Variants in GYPC observed in about 807,000 individuals in gnomAD.
The protein encoded by GYPC is glycophorin-C.
In GYPC, 14 loss-of-function variants were observed where a neutral mutation model predicts 12.6. The observed-to-expected ratio is 1.11, with a 90% CI of 0.74 to 1.74. The LOEUF (loss-of-function observed/expected upper bound fraction) is 1.74, where lower values mean the gene tolerates loss of function less well. Ranked by LOEUF, GYPC falls within the 40% of genes most tolerant of loss-of-function variation. GYPC has a pLI of 0.00. For missense variants in GYPC, 225 were observed against 172.1 expected, an observed-to-expected ratio of 1.31 and a Z score of -1.72; for synonymous variants, 78 against 62.1, an observed-to-expected ratio of 1.26 and a Z score of -1.20.
At chr2:126,668,110 G>T (rs1682736942) in intron 1 of GYPC, among the ~76,000 whole-genome samples, 1 of 152,156 alleles carries the variant, frequency 6.6e-6, no homozygotes, top group African/African-American at 2.4e-5. Flanking sequence ...AAAAGAAGGG[G>T]TTCTTCACCT....
chr2:126,681,413 T>C (rs887942907), intron 1 of GYPC, among the ~76,000 whole-genome samples: 2 of 152,192 alleles, frequency 1.3e-5, no homozygotes, highest in African/African-American at 2.4e-5. Flanking sequence ...TCTTCAATTT[T>C]TCATTTTAGA....
chr2:126,690,226 G>C (rs1248218393), intron 1 of GYPC, 29 bp from the exon 2 acceptor site: 5 of 1,581,066 alleles, frequency 3.2e-6, no homozygotes, highest in Admixed American at 3.3e-5. Flanking sequence ...CTTCCTCTCT[G>C]ACCTCAGATT....
chr2:126,656,169 C>A lies in GYPC; in HGVS notation c.-95C>A. 6.6e-7 allele frequency: 1 copy of A among 1,506,908 alleles called. No individual in the cohort carries two copies. The highest frequency in any genetic ancestry group is 8.9e-7 in the Non-Finnish European group (1 of 1,126,178). 93.3% of individuals were successfully genotyped at this position (1,506,908 alleles called of 1,614,324 possible). On this transcript the variant is annotated 5_prime_UTR_variant, in exon 1 of 4. Transcript: ENST00000259254. ...CCCAGGTGCCGCTTCCTCTCGCCGC[C>A]GAGGGTCAGGAGCCCGGGAGCGCGA...
intron 1 of GYPC, among the ~76,000 whole-genome samples, chr2:126,666,391 T>C (rs1682678733): frequency 6.6e-6 from 1 of 152,224 alleles, no homozygotes; most frequent in South Asian, 2.1e-4. Flanking sequence ...ATGACTGCAA[T>C]TTCTGTTACA....
At chr2:126,684,629 T>A (rs533121919) in intron 1 of GYPC, among the ~76,000 whole-genome samples, 1 of 152,312 alleles carries the variant, frequency 6.6e-6, no homozygotes, top group Admixed American at 6.5e-5. Context: ...CATGCATTTG[T>A]CCTTGTCGGT....
At chr2:126,670,329 T>C (rs917002029) in intron 1 of GYPC, among the ~76,000 whole-genome samples, 16 of 152,188 alleles carry the variant, frequency 1.1e-4, no homozygotes, top group Admixed American at 9.8e-4. Context: ...GAAGTCTCAC[T>C]GTGCAGCGCC....
At chr2:126,692,587 A>G (rs1451561071) in intron 2 of GYPC, among the ~76,000 whole-genome samples, 2 of 152,156 alleles carry the variant, frequency 1.3e-5, no homozygotes, top group Non-Finnish European at 2.9e-5. Flanking sequence ...GATCCAATAA[A>G]TCCTTCTTCA....
chr2:126,689,141 C>A (rs1462499941), intron 1 of GYPC, among the ~76,000 whole-genome samples: 1 of 152,122 alleles, frequency 6.6e-6, no homozygotes, highest in African/African-American at 2.4e-5. Context: ...AGTGGTCCTT[C>A]CCACAGCAGA....
intron 1 of GYPC, chr2:126,657,745 C>T (rs980280082): frequency 6.6e-6 from 1 of 152,316 alleles, no homozygotes; most frequent in Non-Finnish European, 1.5e-5. Context: ...GCCCAGCAGC[C>T]CAAGCAGTTC....
intron 1 of GYPC, chr2:126,686,780 A>G (rs1157392836): frequency 1.2e-6 from 1 of 817,216 alleles, no homozygotes; most frequent in Non-Finnish European, 1.5e-6. Flanking sequence ...GTAATTGTCT[A>G]TTTCTGATAC....
rs2104805437 is a variant in GYPC, at chr2:126,690,298, T to C, written c.93T>C (p.Thr31=). Residue 31 remains threonine, a synonymous_variant, in exon 2 of 4, where the codon ACT becomes ACC. Coordinates refer to ENST00000259254, the MANE Select transcript of GYPC (RefSeq NM_002101.5). The part of the protein sequence containing the change: ...GMASASTTMH[T]TTIAEPDPGM... ...CCTCTGCCTCCACCACAATGCATAC[T>C]ACCACCATTGCAGGTGAGTTCTCAT... The C allele has an allele frequency of 6.2e-7, 1 of 1,610,924 alleles. No homozygotes were observed. Among genetic ancestry groups the C allele is most frequent in the East Asian group, 2.2e-5 (1 of 44,866 alleles).
At chr2:126,681,736 G>A (rs1035355560) in intron 1 of GYPC, among the ~76,000 whole-genome samples, 5 of 147,784 alleles carry the variant, frequency 3.4e-5, no homozygotes, top group Admixed American at 6.8e-5. Flanking sequence ...CCAAGATTGC[G>A]CCATTGCACT....
intron 2 of GYPC, among the ~76,000 whole-genome samples, chr2:126,693,207 G>A (rs1450901382): frequency 3.3e-5 from 5 of 152,238 alleles, no homozygotes; most frequent in Non-Finnish European, 5.9e-5. Context: ...TAGCTGTCGT[G>A]AGACTGGATT....
intron 1 of GYPC, among the ~76,000 whole-genome samples, chr2:126,664,321 T>A (rs1311780721): frequency 6.6e-6 from 1 of 151,954 alleles, no homozygotes; most frequent in Non-Finnish European, 1.5e-5. Context: ...ACAGACGCCA[T>A]CTCATTTAGC....
chr2:126,666,708 TACACACAC>T (rs67904410), intron 1 of GYPC, among the ~76,000 whole-genome samples: 2,620 of 118,514 alleles, frequency 0.022, 113 homozygotes, highest in African/African-American at 0.062. Flanking sequence ...CCTCCCTCCC[TACACACAC>T]ACACACACAC....
intron 1 of GYPC, among the ~76,000 whole-genome samples, chr2:126,673,550 G>A (rs866001461): frequency 1.3e-5 from 2 of 152,134 alleles, no homozygotes; most frequent in Non-Finnish European, 2.9e-5. Context: ...CTAAATAAAT[G>A]GGATTGGAAA....
chr2:126,693,719 A>C (rs1278140803), intron 2 of GYPC, 145 bp from the exon 3 acceptor site: 4 of 722,236 alleles, frequency 5.5e-6, no homozygotes, highest in African/African-American at 1.7e-5. Context: ...TGCTAGGAGC[A>C]GTGGGTGCGC....
chr2:126,665,937 G>C (rs1287128269), intron 1 of GYPC, among the ~76,000 whole-genome samples: 1 of 152,148 alleles, frequency 6.6e-6, no homozygotes. Context: ...TCCAGCTCTG[G>C]GACTCTGCAG....
chr2:126,691,968 G>A (rs774818014), intron 2 of GYPC, among the ~76,000 whole-genome samples: 23 of 152,100 alleles, frequency 1.5e-4, no homozygotes, highest in African/African-American at 7.2e-5. Context: ...GATTGGAAAA[G>A]TCTAGAACCC....
Sources: gnomAD v4.1 joint callset for allele counts (sites outside exome capture counted in the v4.1 genomes callset) on GRCh38, gnomAD v4.1.1 for gene constraint, MANE v1.5 for transcripts, NCBI Gene and HGNC (gene_info 2026-07-23, HGNC 2026-07-21) for gene names.